KCNJ3: variants seen among roughly 807,000 people sequenced by gnomAD.
The protein encoded by KCNJ3 is G protein-activated inward rectifier potassium channel 1.
In KCNJ3, 4 loss-of-function variants were observed where a neutral mutation model predicts 39.2. That is an observed-to-expected ratio of 0.10 (90% CI 0.05 to 0.23). The LOEUF is 0.23. Ranked by LOEUF, KCNJ3 falls within the 10% of genes least tolerant of loss-of-function variation. KCNJ3 has a pLI of 1.00. For synonymous variants in KCNJ3, 230 were observed against 237.4 expected (o/e 0.97, Z 0.29); for missense variants, 276 against 634.9 (o/e 0.43, Z 6.08).
chr2:154,775,345 G>A (rs867736753), intron 2 of KCNJ3, among the ~76,000 whole-genome samples: 101 of 152,226 alleles, frequency 6.6e-4, no homozygotes, highest in Middle Eastern at 3.4e-3. Flanking sequence ...TCATTTCAAA[G>A]ATGCTTGGTT....
Position 154,723,377 on chromosome 2 carries a change from A to C in KCNJ3, c.919+13558A>C, listed in dbSNP as rs3111018. ...TGCAGGGTGAGGTATACGAAGAGGA[A>C]TAAGATTAAACAGTAAGGTGTAAGC... On this transcript the variant is annotated intron_variant, in intron 2 of 2. Transcript: ENST00000295101. Among the ~76,000 whole-genome samples, 457 of 152,298 alleles carry C rather than the reference A, an allele frequency of 3.0e-3. 6 individuals carry two copies. In the East Asian group the frequency reaches 0.03, roughly 10 times the overall value.
intron 2 of KCNJ3, among the ~76,000 whole-genome samples, chr2:154,851,324 A>G (rs1286876023): frequency 6.6e-6 from 1 of 152,224 alleles, no homozygotes; most frequent in East Asian, 1.9e-4. Flanking sequence ...GGGATAAATT[A>G]CAAAGATGTA....
At chr2:154,811,601 A>G (rs544323114) in intron 2 of KCNJ3, among the ~76,000 whole-genome samples, 42 of 152,108 alleles carry the variant, frequency 2.8e-4, no homozygotes, top group African/African-American at 9.9e-4. Context: ...CCAATCTATC[A>G]CTTTCTTAGA....
rs1285379763 is a variant in KCNJ3 at position 154,739,543 on chromosome 2, C to T, written c.919+29724C>T. ...AGGACCATCCATCCTTCTTCACCTT[C>T]GTTTTCATGTAGCTATAATTTCCTA... On this transcript the variant is annotated intron_variant, in intron 2 of 2. Transcript: ENST00000295101. Among the ~76,000 whole-genome samples the T allele has an allele frequency of 6.6e-5, 10 of 152,184 alleles. No individual in the cohort carries two copies. The East Asian group carries it at 1.7e-3, about 26-fold the overall frequency.
intron 2 of KCNJ3, among the ~76,000 whole-genome samples, chr2:154,746,588 ATG>A (rs1413219098): frequency 6.7e-6 from 1 of 148,648 alleles, no homozygotes; most frequent in African/African-American, 2.5e-5. Flanking sequence ...GGTCAACTGT[ATG>A]TGTGTGTGCG....
intron 1 of KCNJ3, among the ~76,000 whole-genome samples, chr2:154,703,466 A>C (rs2105146291): frequency 7.1e-6 from 1 of 140,280 alleles, no homozygotes; most frequent in South Asian, 2.4e-4. Context: ...ACCTTCTTTT[A>C]TCCTCCATAT....
intron 2 of KCNJ3, among the ~76,000 whole-genome samples, chr2:154,725,538 C>T (rs1685339016): frequency 6.6e-6 from 1 of 151,750 alleles, no homozygotes; most frequent in African/African-American, 2.4e-5. Flanking sequence ...TGTTTTTTTC[C>T]TAGAAATATT....
chr2:154,838,178 T>C (rs1687502302), intron 2 of KCNJ3, among the ~76,000 whole-genome samples: 1 of 152,146 alleles, frequency 6.6e-6, no homozygotes, highest in African/African-American at 2.4e-5. Flanking sequence ...ATTAAGAGCA[T>C]TTCGTCAGCC....
At chr2:154,724,842 T>C (rs1304526609) in intron 2 of KCNJ3, among the ~76,000 whole-genome samples, 1 of 147,434 alleles carries the variant, frequency 6.8e-6, no homozygotes, top group East Asian at 2.0e-4. Flanking sequence ...TTTATATTTA[T>C]ACTTATATTT....
chr2:154,753,838 T>C (rs924741402), intron 2 of KCNJ3, among the ~76,000 whole-genome samples: 1 of 152,166 alleles, frequency 6.6e-6, no homozygotes, highest in African/African-American at 2.4e-5. Context: ...GTCTTATCCT[T>C]TTTTTAGAAA....
intron 2 of KCNJ3, among the ~76,000 whole-genome samples, chr2:154,760,931 G>A (rs1202906975): frequency 2.0e-5 from 3 of 150,788 alleles, no homozygotes; most frequent in Non-Finnish European, 4.4e-5. Flanking sequence ...TACATATGGG[G>A]TTTCAGCGTG....
At chr2:154,831,666 A>G (rs1382058845) in intron 2 of KCNJ3, among the ~76,000 whole-genome samples, 2 of 152,154 alleles carry the variant, frequency 1.3e-5, no homozygotes, top group African/African-American at 4.8e-5. Context: ...GTTCATAAAT[A>G]TTTATTAAGA....
intron 2 of KCNJ3, among the ~76,000 whole-genome samples, chr2:154,797,675 CAT>C (rs1321304048): frequency 6.6e-6 from 1 of 151,920 alleles, no homozygotes; most frequent in African/African-American, 2.4e-5. Context: ...CACATATGTA[CAT>C]ATGTCCTACT....
intron 2 of KCNJ3, among the ~76,000 whole-genome samples, chr2:154,759,151 G>A (rs1490555066): frequency 9.2e-5 from 14 of 152,178 alleles, no homozygotes; most frequent in Non-Finnish European, 1.9e-4. Context: ...CACAGAGCAA[G>A]TCTCATGGCT....
intron 2 of KCNJ3, among the ~76,000 whole-genome samples, chr2:154,711,717 C>T (rs994404373): frequency 2.6e-5 from 4 of 151,984 alleles, no homozygotes; most frequent in Non-Finnish European, 4.4e-5. Flanking sequence ...TGATTTTTGG[C>T]CCCTACATGG....
intron 2 of KCNJ3, among the ~76,000 whole-genome samples, chr2:154,782,245 G>A (rs1302210765): frequency 6.6e-6 from 1 of 151,984 alleles, no homozygotes; most frequent in Non-Finnish European, 1.5e-5. Context: ...ACTAATTCTG[G>A]GAAAGCTTCT....
At chr2:154,797,599 T>C (rs1686744175) in intron 2 of KCNJ3, among the ~76,000 whole-genome samples, 1 of 152,064 alleles carries the variant, frequency 6.6e-6, no homozygotes. Context: ...TGTATGTATG[T>C]ATATTGGTGT....
intron 2 of KCNJ3, among the ~76,000 whole-genome samples, chr2:154,729,324 T>G (rs1685414081): frequency 6.6e-6 from 1 of 152,186 alleles, no homozygotes; most frequent in Non-Finnish European, 1.5e-5. Flanking sequence ...AGCCAGATCA[T>G]CATAGAAGAA....
At position 154,805,530 on chromosome 2, in the gene KCNJ3, G is replaced by C. The variant is rs180932278; in HGVS notation, c.920-49197G>C. Among the ~76,000 whole-genome samples, 75 of 152,236 alleles carry C rather than the reference G, an allele frequency of 4.9e-4. No individual in the cohort carries two copies. The East Asian group carries it at 0.013, about 27-fold the overall frequency. The stretch of plus-strand genomic sequence containing the variant: ...CAGCACATCATATGAATTACAGTTT[G>C]GAGCAAAGGAGCTAAAAGATTGTAT... On this transcript the variant is annotated intron_variant, in intron 2 of 2. Coordinates refer to ENST00000295101, the MANE Select transcript of KCNJ3 (RefSeq NM_002239.4).
Sources: gnomAD v4.1 joint callset for allele counts (sites outside exome capture counted in the v4.1 genomes callset) on GRCh38, gnomAD v4.1.1 for gene constraint, MANE v1.5 for transcripts, NCBI Gene and HGNC (gene_info 2026-07-23, HGNC 2026-07-21) for gene names.